The following CCDC6 variants were observed in gnomAD, a reference collection of about 807,000 sequenced individuals.
The protein encoded by CCDC6 is coiled-coil domain containing 6.
A neutral mutation model predicts 56.6 loss-of-function variants in CCDC6; 20 were observed. The observed-to-expected ratio is 0.35, with a 90% CI of 0.25 to 0.51. CCDC6 has a LOEUF of 0.51. Ranked by LOEUF, CCDC6 falls within the 20% of genes least tolerant of loss-of-function variation. CCDC6 has a pLI of 0.95. For missense variants in CCDC6, 367 were observed against 601.1 expected, an observed-to-expected ratio of 0.61 and a Z score of 4.07; for synonymous variants, 241 against 234.4, an observed-to-expected ratio of 1.03 and a Z score of -0.26.
intron 1 of CCDC6, among the ~76,000 whole-genome samples, chr10:59,874,288 A>G (rs1213922620): frequency 2.0e-5 from 3 of 152,176 alleles, no homozygotes; most frequent in Non-Finnish European, 4.4e-5. Flanking sequence ...TTTCTTTGGC[A>G]CTAAACTTGC....
intron 1 of CCDC6, among the ~76,000 whole-genome samples, chr10:59,853,459 G>A (rs369055849): frequency 4.6e-5 from 7 of 151,900 alleles, no homozygotes; most frequent in South Asian, 2.1e-4. Context: ...ACTTGAACCC[G>A]GAAGACAGAG....
chr10:59,836,076 C>T, intron 2 of CCDC6, among the ~76,000 whole-genome samples: 1 of 113,904 alleles, frequency 8.8e-6, no homozygotes, highest in Non-Finnish European at 1.7e-5. Flanking sequence ...AAAAAAAAAG[C>T]TTGCTTGAGA....
chr10:59,904,838 T>C (rs1248897358), intron 1 of CCDC6, among the ~76,000 whole-genome samples: 1 of 152,214 alleles, frequency 6.6e-6, no homozygotes, highest in Non-Finnish European at 1.5e-5. Context: ...CTAGTTCTCA[T>C]GTATGAGCCA....
At chr10:59,864,615 C>T (rs1251911395) in intron 1 of CCDC6, among the ~76,000 whole-genome samples, 2 of 152,106 alleles carry the variant, frequency 1.3e-5, no homozygotes, top group African/African-American at 4.8e-5. Context: ...TGTAACAAAC[C>T]ATGCCAAAAC....
Position 59,795,490 on chromosome 10 carries a change from T to C in CCDC6, c.1106-893A>G, listed in dbSNP as rs1358575217. Among the ~76,000 whole-genome samples, 4 of 151,892 alleles carry C rather than the reference T, an allele frequency of 2.6e-5. No individual in the cohort carries two copies. The South Asian group carries it at 8.4e-4, about 32-fold the overall frequency. ...TTCATTTTTATTATTATTATTATTATACTTTAAGTTTTAGGGTACATGTGC... is the reference window on the plus strand; with the variant it reads ...TTCATTTTTATTATTATTATTATTACACTTTAAGTTTTAGGGTACATGTGC... On this transcript the variant is annotated intron_variant, in intron 7 of 8. Transcript: ENST00000263102.
At chr10:59,872,752 T>A (rs775139023) in intron 1 of CCDC6, among the ~76,000 whole-genome samples, 1 of 130,650 alleles carries the variant, frequency 7.7e-6, no homozygotes, top group Non-Finnish European at 1.6e-5. Context: ...TGGGGCTGCA[T>A]CCAGTCAAAG....
intron 1 of CCDC6, among the ~76,000 whole-genome samples, chr10:59,873,716 A>G (rs1237483049): frequency 6.6e-6 from 1 of 152,148 alleles, no homozygotes; most frequent in Non-Finnish European, 1.5e-5. Context: ...TTAATATGCC[A>G]CTTTATTCTG....
At chr10:59,794,419 A>G in intron 8 of CCDC6, 54 bp downstream of exon 8, 1 of 1,588,786 alleles carries the variant, frequency 6.3e-7, no homozygotes, top group Non-Finnish European at 8.6e-7. Flanking sequence ...CCAGAACACC[A>G]GTCGGTACCA....
intron 1 of CCDC6, among the ~76,000 whole-genome samples, chr10:59,905,732 A>G (rs1251085489): frequency 1.3e-5 from 2 of 152,116 alleles, no homozygotes; most frequent in African/African-American, 4.8e-5. Flanking sequence ...TCCCTCTTCC[A>G]GGACTGGGGT....
intron 7 of CCDC6, among the ~76,000 whole-genome samples, chr10:59,803,428 C>T (rs749452626): frequency 6.0e-4 from 92 of 152,146 alleles, no homozygotes; most frequent in Non-Finnish European, 1.0e-3. Flanking sequence ...AAGCAGTCAC[C>T]TCACTCTATT....
At chr10:59,899,197 A>G (rs1456692326) in intron 1 of CCDC6, among the ~76,000 whole-genome samples, 1 of 152,192 alleles carries the variant, frequency 6.6e-6, no homozygotes, top group Non-Finnish European at 1.5e-5. Context: ...CTGTCAAGAA[A>G]ATTGCAACCA....
At chr10:59,796,251 G>C (rs901799728) in intron 7 of CCDC6, among the ~76,000 whole-genome samples, 1 of 149,942 alleles carries the variant, frequency 6.7e-6, no homozygotes, top group Non-Finnish European at 1.5e-5. Context: ...TTTTTCATGT[G>C]TTTTTTGGCT....
chr10:59,798,154 G>C (rs1384635110), intron 7 of CCDC6, among the ~76,000 whole-genome samples: 1 of 152,194 alleles, frequency 6.6e-6, no homozygotes, highest in Non-Finnish European at 1.5e-5. Context: ...TACTGGCAAA[G>C]TGAAAAGGGA....
At chr10:59,825,019 C>A (rs1474720212) in intron 3 of CCDC6, among the ~76,000 whole-genome samples, 1 of 152,180 alleles carries the variant, frequency 6.6e-6, no homozygotes, top group African/African-American at 2.4e-5. Context: ...CTACTCAGCA[C>A]AATTTCATTG....
At chr10:59,865,402 T>G (rs7094181) in intron 1 of CCDC6, among the ~76,000 whole-genome samples, 1 of 151,856 alleles carries the variant, frequency 6.6e-6, no homozygotes, top group Non-Finnish European at 1.5e-5. Flanking sequence ...AATCCAAGGC[T>G]CCTCCCACCC....
intron 1 of CCDC6, among the ~76,000 whole-genome samples, chr10:59,893,931 G>C (rs1320937021): frequency 6.6e-6 from 1 of 152,062 alleles, no homozygotes; most frequent in Non-Finnish European, 1.5e-5. Context: ...ATCTTCAAGG[G>C]GTTGCTGGGA....
At chr10:59,873,834 GGACA>G (rs1006866368) in intron 1 of CCDC6, among the ~76,000 whole-genome samples, 4 of 151,836 alleles carry the variant, frequency 2.6e-5, no homozygotes, top group African/African-American at 9.7e-5. Context: ...AAAAAAAGAA[GGACA>G]GAGAACACAT....
chr10:59,894,846 G>C (rs560639941), intron 1 of CCDC6, among the ~76,000 whole-genome samples: 2 of 152,242 alleles, frequency 1.3e-5, no homozygotes, highest in East Asian at 3.9e-4. Flanking sequence ...CCCTTCTCTA[G>C]TGTTATTTCT....
intron 7 of CCDC6, among the ~76,000 whole-genome samples, chr10:59,801,383 T>G (rs1237754206): frequency 6.6e-6 from 1 of 152,222 alleles, no homozygotes; most frequent in Non-Finnish European, 1.5e-5. Context: ...AGGTCAGTGG[T>G]AAGTTCTGTG....
Sources: gnomAD v4.1 joint callset for allele counts (sites outside exome capture counted in the v4.1 genomes callset) on GRCh38, gnomAD v4.1.1 for gene constraint, MANE v1.5 for transcripts, NCBI Gene and HGNC (gene_info 2026-07-23, HGNC 2026-07-21) for gene names.